The following DCC variants were observed in gnomAD, a reference collection of about 807,000 sequenced individuals.
DCC encodes DCC netrin 1 receptor.
Under a neutral mutation model 172.5 loss-of-function variants are expected in DCC, and 58 were observed. That is an observed-to-expected ratio of 0.34 (90% CI 0.27 to 0.42). DCC has a LOEUF of 0.42. DCC is among the 10% of genes least tolerant of loss of function. The pLI is 1.00. For missense variants in DCC, 1,740 were observed against 1,791.0 expected (o/e 0.97, Z 0.51); for synonymous variants, 709 against 644.5 (o/e 1.10, Z -1.52).
intron 13 of DCC, among the ~76,000 whole-genome samples, chr18:53,311,933 C>T (rs192263405): frequency 1.3e-5 from 2 of 151,942 alleles, no homozygotes; most frequent in African/African-American, 2.4e-5. Context: ...GCAATGCATT[C>T]GTGATTGTAT....
intron 7 of DCC, among the ~76,000 whole-genome samples, chr18:53,148,326 G>A (rs2043946233): frequency 6.6e-6 from 1 of 152,178 alleles, no homozygotes; most frequent in African/African-American, 2.4e-5. Context: ...TGAAGGGTGG[G>A]AGGGGAGCTG....
rs1380361849 is a variant in DCC, at chr18:53,402,804, A to G, written c.2846A>G (p.Lys949Arg). 3.7e-5 allele frequency: 60 copies of G among 1,613,908 alleles called. No homozygotes were observed. The highest frequency in any genetic ancestry group is 5.0e-5 in the Non-Finnish European group (59 of 1,179,872). ...TYEAAPTSAP[K>R]DLTVITREGK... is the part of the protein sequence containing the mutation. ...CTCACAGCCCCCACCTCTGCTCCCAAGGACTTGACAGTCATTACTAGGGAA... is the reference window on the plus strand; with the variant it reads ...CTCACAGCCCCCACCTCTGCTCCCAGGGACTTGACAGTCATTACTAGGGAA... Residue 949 changes from lysine (K) to arginine (R), a missense_variant, in exon 19 of 29, where the codon AAG (lysine) becomes AGG (arginine). By Grantham distance (26) the Lys-to-Arg change is conservative. Transcript: ENST00000442544.
chr18:52,796,060 A>AAT (rs2037870119), intron 2 of DCC, among the ~76,000 whole-genome samples: 2 of 59,672 alleles, frequency 3.4e-5, no homozygotes, highest in Non-Finnish European at 8.3e-5. Context: ...AGGTACAGTT[A>AAT]CTTTTTTTTT....
chr18:53,361,925 C>G (rs1415925442), intron 15 of DCC, among the ~76,000 whole-genome samples: 1 of 152,090 alleles, frequency 6.6e-6, no homozygotes, highest in African/African-American at 2.4e-5. Context: ...GCACAACAAT[C>G]ATTTCTGAGC....
rs74691750 is a variant in DCC, at chr18:52,441,813, A to T, written c.91+100935A>T. ...AAAATTAAATGTATTATTCTCACAC[A>T]ACAAGATTAGCAAATCATCCATAAA... On this transcript the variant is annotated intron_variant, in intron 1 of 28. Transcript: ENST00000442544. Among the ~76,000 whole-genome samples the T allele has an allele frequency of 4.1e-3, 617 of 152,344 alleles. 3 individuals carry two copies. The highest frequency in any genetic ancestry group is 0.014 in the African/African-American group (576 of 41,580).
At position 53,150,156 on chromosome 18, in the gene DCC, TA is replaced by T. The variant is rs1263326837; in HGVS notation, c.1262-7196del. Among the ~76,000 whole-genome samples the T allele has an allele frequency of 2.0e-5, 3 of 152,326 alleles. No individual in the cohort carries two copies. The East Asian group carries it at 5.8e-4, about 29-fold the overall frequency. ...TTCCCCTTCTCCATTTGGTTCAAAA[TA>T]AAATGTTCTCACCCCAAACCTGCAT... On this transcript the variant is annotated intron_variant, in intron 7 of 28. Coordinates refer to ENST00000442544, the MANE Select transcript of DCC (RefSeq NM_005215.4).
chr18:52,796,541 G>T (rs2037881066), intron 2 of DCC, among the ~76,000 whole-genome samples: 1 of 152,084 alleles, frequency 6.6e-6, no homozygotes, highest in Admixed American at 6.6e-5. Context: ...GCTTGTCTGG[G>T]AAAGACTTTA....
At chr18:52,824,561 T>C (rs1322112416) in intron 2 of DCC, among the ~76,000 whole-genome samples, 1 of 152,192 alleles carries the variant, frequency 6.6e-6, no homozygotes, top group Non-Finnish European at 1.5e-5. Flanking sequence ...AGAATTTCTC[T>C]AATGCTTGTA....
chr18:53,020,574 G>C (rs1309562591), intron 5 of DCC, among the ~76,000 whole-genome samples: 1 of 152,110 alleles, frequency 6.6e-6, no homozygotes, highest in Non-Finnish European at 1.5e-5. Flanking sequence ...ACACTCATTA[G>C]TTCCTAGCCC....
intron 5 of DCC, among the ~76,000 whole-genome samples, chr18:53,038,437 A>G (rs932496493): frequency 2.0e-5 from 3 of 151,988 alleles, no homozygotes; most frequent in African/African-American, 7.2e-5. Flanking sequence ...CACAAAAGGC[A>G]TACCTCCAAA....
chr18:53,523,276 G>C (rs984620099), intron 27 of DCC, among the ~76,000 whole-genome samples: 1 of 152,166 alleles, frequency 6.6e-6, no homozygotes, highest in Non-Finnish European at 1.5e-5. Context: ...AGATGCTAGA[G>C]AGGATGTGGA....
intron 1 of DCC, among the ~76,000 whole-genome samples, chr18:52,646,566 C>G (rs560062430): frequency 6.6e-6 from 1 of 152,166 alleles, no homozygotes; most frequent in Non-Finnish European, 1.5e-5. Flanking sequence ...CCCACAACCC[C>G]TATCCTAGGT....
intron 1 of DCC, among the ~76,000 whole-genome samples, chr18:52,566,410 C>G (rs2033162017): frequency 1.3e-5 from 2 of 151,992 alleles, no homozygotes; most frequent in Non-Finnish European, 2.9e-5. Context: ...GGAGAAATAC[C>G]TAATGTAGAT....
At chr18:53,383,174 G>A (rs995894964) in intron 15 of DCC, among the ~76,000 whole-genome samples, 2 of 152,026 alleles carry the variant, frequency 1.3e-5, no homozygotes, top group African/African-American at 4.8e-5. Context: ...TCATCAGGAA[G>A]CACATACTGT....
At chr18:52,420,581 A>G (rs1340867174) in intron 1 of DCC, among the ~76,000 whole-genome samples, 1 of 148,560 alleles carries the variant, frequency 6.7e-6, no homozygotes, top group Non-Finnish European at 1.5e-5. Flanking sequence ...CATCAGAAGA[A>G]ATGAACACGT....
chr18:52,788,418 A>T (rs554342409), intron 2 of DCC, among the ~76,000 whole-genome samples: 31 of 152,260 alleles, frequency 2.0e-4, no homozygotes, highest in African/African-American at 7.2e-4. Context: ...GGCCTTACCT[A>T]TCTGTAAAGC....
At chr18:53,013,597 G>A (rs968316048) in intron 5 of DCC, among the ~76,000 whole-genome samples, 5 of 151,600 alleles carry the variant, frequency 3.3e-5, no homozygotes, top group Non-Finnish European at 7.4e-5. Context: ...TGCATGTGGG[G>A]CTTAAATCCT....
At chr18:53,320,099 G>A (rs2057391962) in intron 13 of DCC, among the ~76,000 whole-genome samples, 1 of 130,296 alleles carries the variant, frequency 7.7e-6, no homozygotes, top group Non-Finnish European at 1.6e-5. Flanking sequence ...TTGAGATGGA[G>A]TCTCACTCTG....
chr18:52,583,184 T>A (rs1486487458), intron 1 of DCC, among the ~76,000 whole-genome samples: 2 of 152,206 alleles, frequency 1.3e-5, no homozygotes, highest in Non-Finnish European at 2.9e-5. Context: ...ATCTGTTTCG[T>A]TCTCTTTTGC....
Sources: gnomAD v4.1 joint callset for allele counts (sites outside exome capture counted in the v4.1 genomes callset) on GRCh38, gnomAD v4.1.1 for gene constraint, MANE v1.5 for transcripts, NCBI Gene and HGNC (gene_info 2026-07-23, HGNC 2026-07-21) for gene names.